Variants in KANK1 observed in about 807,000 individuals in gnomAD.
KANK1 encodes KN motif and ankyrin repeat domain-containing protein 1.
KANK1 carries 109 observed loss-of-function variants against 106.2 expected under a neutral mutation model. The ratio of observed to expected loss-of-function variants is 1.03; its 90% CI spans 0.88 to 1.20. The LOEUF (loss-of-function observed/expected upper bound fraction) is 1.20. Among genes scored for constraint, KANK1 ranks in the 50% most tolerant of loss-of-function variants. The pLI, the probability that KANK1 is intolerant of heterozygous loss-of-function variation, is 0.00. For synonymous variants in KANK1, 873 were observed against 652.2 expected (o/e 1.34, Z -5.16); for missense variants, 2,399 against 1,710.7 (o/e 1.40, Z -7.10).
chr9:673,059 G>C (rs1251135757), intron 1 of KANK1, among the ~76,000 whole-genome samples: 2 of 152,074 alleles, frequency 1.3e-5, no homozygotes, highest in African/African-American at 4.8e-5. Context: ...ATAAGAATCT[G>C]CATAGCATTA....
In KANK1 at chr9:623,734, C is replaced by G. The variant is rs187186830; in HGVS notation, c.-83-53156C>G. 1.5e-4 allele frequency among the ~76,000 whole-genome samples: 23 copies of G among 151,820 alleles called. No homozygotes were observed. The East Asian group carries it at 3.9e-3, about 26-fold the overall frequency. Reference sequence around the variant, plus strand: ...GTTAGGATGCCTGTTATCAAAAAGACAAAATATAACAAGTTTTGACAAGGA... The same window carrying G: ...GTTAGGATGCCTGTTATCAAAAAGAGAAAATATAACAAGTTTTGACAAGGA... On this transcript the variant is annotated intron_variant, in intron 1 of 11. Coordinates refer to ENST00000382297, the MANE Select transcript of KANK1 (RefSeq NM_015158.5).
At chr9:598,313 TC>T (rs1301235377) in intron 1 of KANK1, among the ~76,000 whole-genome samples, 2 of 151,744 alleles carry the variant, frequency 1.3e-5, no homozygotes, top group African/African-American at 4.9e-5. Context: ...TCAACTTTTT[TC>T]TTTTTTTTAG....
At chr9:506,230 C>CT (rs2058750422) in intron 1 of KANK1, among the ~76,000 whole-genome samples, 2 of 152,122 alleles carry the variant, frequency 1.3e-5, no homozygotes, top group African/African-American at 2.4e-5. Flanking sequence ...AAGATAGAGA[C>CT]TGAGTGAGAA....
At chr9:554,005 T>G (rs1395277156) in intron 1 of KANK1, among the ~76,000 whole-genome samples, 1 of 152,226 alleles carries the variant, frequency 6.6e-6, no homozygotes, top group Non-Finnish European at 1.5e-5. Context: ...TCAGGAGTTC[T>G]GGGACTGGCG....
intron 3 of KANK1, among the ~76,000 whole-genome samples, chr9:714,549 G>C (rs1406866274): frequency 6.6e-6 from 1 of 151,780 alleles, no homozygotes; most frequent in Non-Finnish European, 1.5e-5. Flanking sequence ...GTAGAGATAG[G>C]GTTTCACCAC....
At chr9:551,174 CTG>C (rs1047453885) in intron 1 of KANK1, among the ~76,000 whole-genome samples, 3 of 151,680 alleles carry the variant, frequency 2.0e-5, no homozygotes, top group Admixed American at 6.6e-5. Context: ...CTCTCCCCCT[CTG>C]TTGCCTGGGG....
At chr9:489,338 A>G (rs10758653) in intron 3 of KANK1, among the ~76,000 whole-genome samples, 37,035 of 151,992 alleles carry the variant, frequency 0.24, 4,853 homozygotes, top group East Asian at 0.47. Flanking sequence ...AAACTCAACA[A>G]TCTCCAAGGT....
At chr9:666,402 G>T (rs572793492) in intron 1 of KANK1, among the ~76,000 whole-genome samples, 1 of 152,030 alleles carries the variant, frequency 6.6e-6, no homozygotes. Flanking sequence ...CATTCAAAGC[G>T]AATTTGACTT....
chr9:713,095 A>G lies in KANK1; in HGVS notation c.2329A>G (p.Arg777Gly). The G allele has an allele frequency of 6.2e-7, 1 of 1,611,902 alleles. No homozygotes were observed. The highest frequency in any genetic ancestry group is 8.5e-7 in the Non-Finnish European group (1 of 1,178,312). ...NDNYLVGLKM[R>G]TIACGPPQLT... Reference sequence around the variant, plus strand: ...CAACTATCTGGTTGGTCTCAAAATGAGGACTATAGCTTGTGGGCCACCACA... The same window carrying G: ...CAACTATCTGGTTGGTCTCAAAATGGGGACTATAGCTTGTGGGCCACCACA... Residue 777 changes from arginine to glycine, a missense_variant, in exon 3 of 12, where the codon AGG (arginine) becomes GGG (glycine). Transcript: ENST00000382297.
chr9:608,585 T>C (rs946264138), intron 1 of KANK1, among the ~76,000 whole-genome samples: 2 of 149,278 alleles, frequency 1.3e-5, no homozygotes, highest in East Asian at 1.9e-4. Flanking sequence ...AAGAGTGGGC[T>C]CTCTCTCTAG....
intron 1 of KANK1, among the ~76,000 whole-genome samples, chr9:570,466 C>T (rs1423390712): frequency 6.6e-6 from 1 of 152,128 alleles, no homozygotes; most frequent in Non-Finnish European, 1.5e-5. Context: ...TCCCTAGAAG[C>T]CTAATCTGTG....
chr9:583,560 A>G (rs1422721511), intron 1 of KANK1, among the ~76,000 whole-genome samples: 2 of 151,976 alleles, frequency 1.3e-5, no homozygotes, highest in African/African-American at 2.4e-5. Flanking sequence ...ATCCCTCAGT[A>G]TCCTTATATA....
intron 1 of KANK1, among the ~76,000 whole-genome samples, chr9:628,407 A>C (rs1834865500): frequency 6.8e-6 from 1 of 147,306 alleles, no homozygotes; most frequent in Non-Finnish European, 1.5e-5. Flanking sequence ...GCCTCCCAGT[A>C]GGGGGGGTTC....
rs575101103 is a variant in KANK1 at position 741,508 on chromosome 9, G to C, written c.3696+574G>C. ...CTGGCTTTTTTTTTTTTTTTTTTGA[G>C]ACTAAGTCTCATTCTGTCACCCAGG... On this transcript the variant is annotated intron_variant, in intron 9 of 11. Transcript: ENST00000382297. 4.6e-5 allele frequency among the ~76,000 whole-genome samples: 6 copies of C among 129,932 alleles called. 1 individual carries two copies. The South Asian group carries it at 1.5e-3, about 33-fold the overall frequency. 85.2% of individuals were successfully genotyped at this position (129,932 alleles called of 152,430 possible). A position where few individuals can be genotyped will look rare whatever the true frequency, so the allele number is the denominator to read the frequency against.
chr9:660,043 G>A, intron 1 of KANK1: 1 of 372,828 alleles, frequency 2.7e-6, no homozygotes, highest in Non-Finnish European at 5.3e-6. Flanking sequence ...AAGTAAGGGT[G>A]ATACCTGTCC....
At chr9:674,753 G>A (rs1816029724) in intron 1 of KANK1, among the ~76,000 whole-genome samples, 1 of 152,146 alleles carries the variant, frequency 6.6e-6, no homozygotes, top group African/African-American at 2.4e-5. Flanking sequence ...GCCCAGGCTG[G>A]GGTGCAGTGG....
At chr9:504,001 C>T (rs1365151512), upstream of KANK1, among the ~76,000 whole-genome samples, 1 of 152,192 alleles carries the variant, frequency 6.6e-6, no homozygotes, top group Non-Finnish European at 1.5e-5. Flanking sequence ...GCACGGAGGT[C>T]ACAAGGGAGG....
intron 1 of KANK1, among the ~76,000 whole-genome samples, chr9:513,308 G>A (rs2059116127): frequency 6.6e-6 from 1 of 152,208 alleles, no homozygotes; most frequent in South Asian, 2.1e-4. Flanking sequence ...TTGAGTGTTT[G>A]TATGTGGATG....
Position 504,771 on chromosome 9 carries a change from G to C in KANK1, c.-84+17G>C, listed in dbSNP as rs567533860. ...CGGCCGAAGGTGAGTGACGCGGCGG[G>C]GCCGTGCCGCGCCCCGTGCCGCGGC... On this transcript the variant is annotated intron_variant, in intron 1 of 11. Transcript: ENST00000382297. 7.2e-5 allele frequency: 2 copies of C among 27,854 alleles called. No homozygotes were observed. Among genetic ancestry groups the C allele is most frequent in the East Asian group, 2.8e-3 (1 of 354 alleles). The allele number at this position is 27,854 out of a possible 1,614,324, so 1.7% of individuals were successfully genotyped here.
Sources: allele counts gnomAD v4.1 joint callset (sites outside exome capture counted in the v4.1 genomes callset), GRCh38; gene constraint gnomAD v4.1.1; transcripts MANE v1.5; gene names NCBI Gene and HGNC (gene_info 2026-07-23, HGNC 2026-07-21).